MORC1: variants seen among roughly 807,000 people sequenced by gnomAD.
MORC1 encodes the protein MORC family CW-type zinc finger 1.
In MORC1, 59 loss-of-function variants were observed where a neutral mutation model predicts 134.9. The observed-to-expected ratio is 0.44, with a 90% CI of 0.35 to 0.54. MORC1 has a LOEUF of 0.54. Ranked by LOEUF, MORC1 falls within the 20% of genes least tolerant of loss-of-function variation. MORC1 has a pLI of 0.00. For missense variants in MORC1, 947 were observed against 1,134.5 expected (o/e 0.83, Z 2.37); for synonymous variants, 395 against 391.7 (o/e 1.01, Z -0.10).
chr3:108,975,736 T>A (rs143448819), intron 24 of MORC1, among the ~76,000 whole-genome samples: 145 of 152,266 alleles, frequency 9.5e-4, no homozygotes, highest in African/African-American at 3.2e-3. Flanking sequence ...TAGCATATAG[T>A]AAGTGCATAA....
At chr3:108,999,492 G>T (rs566782347) in intron 21 of MORC1, among the ~76,000 whole-genome samples, 30 of 152,106 alleles carry the variant, frequency 2.0e-4, no homozygotes, top group Non-Finnish European at 3.8e-4. Context: ...AGTTACATCA[G>T]GTACCTTGTG....
intron 21 of MORC1, among the ~76,000 whole-genome samples, chr3:108,998,687 G>A (rs776583013): frequency 2.6e-5 from 4 of 151,936 alleles, no homozygotes; most frequent in Non-Finnish European, 4.4e-5. Flanking sequence ...CAACTTTGAG[G>A]AGCAATTATT....
intron 7 of MORC1, 32 bp downstream of exon 7, chr3:109,094,877 C>T (rs1490545635): frequency 1.3e-6 from 2 of 1,525,866 alleles, no homozygotes; most frequent in African/African-American, 2.8e-5. Context: ...ACAAATACTT[C>T]CATCAAATTG....
intron 24 of MORC1, among the ~76,000 whole-genome samples, chr3:108,975,121 AGT>A (rs1947513563): frequency 1.3e-5 from 2 of 152,234 alleles, no homozygotes; most frequent in South Asian, 4.1e-4. Context: ...CATGGGCAGG[AGT>A]CCATAGAGTT....
chr3:109,041,630 T>C (rs1482005074), intron 14 of MORC1, among the ~76,000 whole-genome samples: 1 of 152,032 alleles, frequency 6.6e-6, no homozygotes, highest in East Asian at 1.9e-4. Flanking sequence ...GGGCAGCTCA[T>C]GAGGTCAAGA....
At chr3:109,103,969 C>A in intron 3 of MORC1, 52 bp from the exon 4 acceptor site, 1 of 1,461,622 alleles carries the variant, frequency 6.8e-7, no homozygotes, top group Non-Finnish European at 9.6e-7. Context: ...ATTTGTTAGT[C>A]AGAAAGTCAT....
At chr3:109,041,796 A>C (rs1045017595) in intron 14 of MORC1, among the ~76,000 whole-genome samples, 2 of 152,170 alleles carry the variant, frequency 1.3e-5, no homozygotes, top group African/African-American at 2.4e-5. Context: ...CAATGAGCTG[A>C]GATCGTGCCA....
chr3:108,985,542 C>G (rs1427696801), intron 22 of MORC1, among the ~76,000 whole-genome samples: 1 of 152,178 alleles, frequency 6.6e-6, no homozygotes, highest in African/African-American at 2.4e-5. Flanking sequence ...GGCTGAGGAT[C>G]TGCCTGACCC....
intron 27 of MORC1, among the ~76,000 whole-genome samples, chr3:108,961,552 C>T (rs1947080662): frequency 6.6e-6 from 1 of 152,168 alleles, no homozygotes; most frequent in African/African-American, 2.4e-5. Context: ...TCCCTCATCT[C>T]GATTCTCTGC....
intron 14 of MORC1, among the ~76,000 whole-genome samples, chr3:109,050,940 C>A (rs1340346876): frequency 1.3e-5 from 2 of 152,122 alleles, no homozygotes; most frequent in African/African-American, 4.8e-5. Flanking sequence ...AATTCTGATC[C>A]ATTTTGGAAA....
At chr3:109,050,197 T>G (rs1047685316) in intron 14 of MORC1, among the ~76,000 whole-genome samples, 4 of 152,214 alleles carry the variant, frequency 2.6e-5, no homozygotes, top group Non-Finnish European at 4.4e-5. Flanking sequence ...TCTTCTCTGT[T>G]GGGCACTAAT....
chr3:109,094,891 G>C lies in MORC1; in HGVS notation c.583+18C>G, dbSNP rs1477826316. 1.3e-6 allele frequency: 2 copies of C among 1,539,142 alleles called. No homozygotes were observed. The highest frequency in any genetic ancestry group is 1.7e-6 in the Non-Finnish European group (2 of 1,152,210). ...AACAAATACTTCCATCAAATTGTCA[G>C]AGTTTTGATGATCTTACCACATTTT... On this transcript the variant is annotated intron_variant, in intron 7 of 27. Coordinates refer to ENST00000232603, the MANE Select transcript of MORC1 (RefSeq NM_014429.4).
At chr3:108,972,979 T>C (rs1404355870) in intron 24 of MORC1, among the ~76,000 whole-genome samples, 2 of 152,298 alleles carry the variant, frequency 1.3e-5, no homozygotes, top group Middle Eastern at 3.4e-3. Context: ...TAGTTCTCGA[T>C]TACTTTCAAT....
chr3:109,068,680 G>A (rs1246098116), intron 9 of MORC1, among the ~76,000 whole-genome samples: 1 of 152,174 alleles, frequency 6.6e-6, no homozygotes, highest in African/African-American at 2.4e-5. Context: ...ACATGCATGT[G>A]CAAGTATCTT....
At chr3:109,000,838 G>C (rs1948385292) in intron 20 of MORC1, among the ~76,000 whole-genome samples, 180 bp from the exon 21 acceptor site, 1 of 152,116 alleles carries the variant, frequency 6.6e-6, no homozygotes, top group African/African-American at 2.4e-5. Context: ...GAGCATATCT[G>C]CCTTCCTAAT....
At chr3:109,029,219 G>A (rs1559904212) in intron 16 of MORC1, among the ~76,000 whole-genome samples, 2 of 152,062 alleles carry the variant, frequency 1.3e-5, no homozygotes, top group South Asian at 4.1e-4. Context: ...TGTTATTATC[G>A]TTATTTTCAA....
At chr3:109,033,269 G>A (rs894427398) in intron 15 of MORC1, among the ~76,000 whole-genome samples, 1 of 150,090 alleles carries the variant, frequency 6.7e-6, no homozygotes, top group Admixed American at 6.7e-5. Context: ...AAGAAAGAAA[G>A]AAGGAAAGCA....
chr3:109,047,740 C>T (rs1476794474), intron 14 of MORC1, among the ~76,000 whole-genome samples: 1 of 152,088 alleles, frequency 6.6e-6, no homozygotes, highest in African/African-American at 2.4e-5. Flanking sequence ...TTATCCAAAG[C>T]AATTCTTTAG....
At chr3:109,041,260 G>A (rs1471991328) in intron 14 of MORC1, among the ~76,000 whole-genome samples, 4 of 151,092 alleles carry the variant, frequency 2.6e-5, no homozygotes, top group Non-Finnish European at 4.4e-5. Context: ...GCAGTGAGCC[G>A]AGATCGCGCC....
Sources: gnomAD v4.1 joint callset for allele counts (sites outside exome capture counted in the v4.1 genomes callset) on GRCh38, gnomAD v4.1.1 for gene constraint, MANE v1.5 for transcripts, NCBI Gene and HGNC (gene_info 2026-07-23, HGNC 2026-07-21) for gene names.